The following NELL2 variants were observed in gnomAD, a reference collection of about 807,000 sequenced individuals.
The protein encoded by NELL2 is neural EGFL like 2.
A neutral mutation model predicts 109.6 loss-of-function variants in NELL2; 41 were observed. The observed-to-expected ratio is 0.37, with a 90% CI of 0.29 to 0.49. The LOEUF (loss-of-function observed/expected upper bound fraction) is 0.49. Among genes scored for constraint, NELL2 ranks in the 20% least tolerant of loss-of-function variants. NELL2 has a pLI of 0.98. For synonymous variants in NELL2, 355 were observed against 344.7 expected, an observed-to-expected ratio of 1.03 and a Z score of -0.33; for missense variants, 900 against 1,008.3, an observed-to-expected ratio of 0.89 and a Z score of 1.45.
rs191188441 is a variant in NELL2, at chr12:44,802,655, A to G, written c.335+13331T>C. On this transcript the variant is annotated intron_variant, in intron 3 of 19. Coordinates refer to ENST00000429094, the MANE Select transcript of NELL2 (RefSeq NM_001145108.2). Reference sequence around the variant, plus strand: ...AGCATTTAATTTAAATAGGACTTACATGGTGAATGCTGATATGCATTGGAA... The same window carrying G: ...AGCATTTAATTTAAATAGGACTTACGTGGTGAATGCTGATATGCATTGGAA... Among the ~76,000 whole-genome samples the G allele has an allele frequency of 2.6e-5, 4 of 152,214 alleles. No homozygotes were observed. The East Asian group carries it at 7.7e-4, about 29-fold the overall frequency.
chr12:44,564,487 C>T (rs192501876), intron 15 of NELL2, among the ~76,000 whole-genome samples: 7 of 152,220 alleles, frequency 4.6e-5, no homozygotes, highest in Non-Finnish European at 8.8e-5. Context: ...TGAAATCATG[C>T]GTGTGAAAGC....
At chr12:44,714,762 A>T in intron 9 of NELL2, 21 bp from the exon 10 acceptor site, 1 of 1,476,108 alleles carries the variant, frequency 6.8e-7, no homozygotes, top group Non-Finnish European at 9.3e-7. Flanking sequence ...AAAAATACAT[A>T]TATATTTATT....
In NELL2 at chr12:44,774,810, G is replaced by T; in HGVS notation, c.931C>A (p.Pro311Thr). Residue 311 changes from proline to threonine, a missense_variant, in exon 9 of 20, where the codon CCT (proline) becomes ACT (threonine). By Grantham distance (38) the Pro-to-Thr change is conservative. This residue lies in a region of NELL2 where 292 missense variants were observed against 265.3 expected (regional missense o/e 1.10). Transcript: ENST00000429094. ...AGAGCCGACTTAAGTGGGCAGTCAG[G>T]ATTTGGGCAGATTAGAGTTTCACAC... ...IQCETLICPNPDCPLKSALAY... is the reference protein window; with the variant it reads ...IQCETLICPNTDCPLKSALAY... 5 of 1,614,132 alleles carry T rather than the reference G, an allele frequency of 3.1e-6. No individual in the cohort carries two copies. The highest frequency in any genetic ancestry group is 4.2e-6 in the Non-Finnish European group (5 of 1,179,982).
At chr12:44,744,632 C>T (rs1253193842) in intron 9 of NELL2, among the ~76,000 whole-genome samples, 1 of 152,060 alleles carries the variant, frequency 6.6e-6, no homozygotes, top group Non-Finnish European at 1.5e-5. Context: ...ACCACTGATC[C>T]CACAGAAATA....
chr12:44,761,676 A>T (rs887193114), intron 9 of NELL2, among the ~76,000 whole-genome samples: 1 of 152,246 alleles, frequency 6.6e-6, no homozygotes, highest in Non-Finnish European at 1.5e-5. Flanking sequence ...GCATATATAC[A>T]TCATGGAATA....
intron 3 of NELL2, among the ~76,000 whole-genome samples, chr12:44,787,242 A>G (rs112655153): frequency 0.2 from 30,197 of 151,920 alleles, 3,223 homozygotes; most frequent in South Asian, 0.3. Context: ...TTATATACTG[A>G]AAACAACATA....
intron 1 of NELL2, 56 bp from the exon 2 acceptor site, chr12:44,875,409 A>C: frequency 1.2e-6 from 2 of 1,614,000 alleles, no homozygotes; most frequent in South Asian, 2.2e-5. Flanking sequence ...TCAAAATGCA[A>C]GTCTCTTCCT....
Position 44,875,944 on chromosome 12 carries a change from GC to G in NELL2, c.-76del. 12 of 1,605,662 alleles carry G rather than the reference GC, an allele frequency of 7.5e-6. No homozygotes were observed. The highest frequency in any genetic ancestry group is 9.3e-6 in the Non-Finnish European group (11 of 1,178,912). ...AAATCGAAGAGGTTCTTGGAATCAA[GC>G]GGGAAAATAACGTTTGTCTCTCCTG... is the stretch of plus-strand genomic sequence containing the variant. On this transcript the variant is annotated 5_prime_UTR_variant, in exon 1 of 20. Coordinates refer to ENST00000429094, the MANE Select transcript of NELL2 (RefSeq NM_001145108.2).
intron 13 of NELL2, among the ~76,000 whole-genome samples, chr12:44,646,396 C>G (rs1223078587): frequency 6.6e-6 from 1 of 152,160 alleles, no homozygotes; most frequent in Non-Finnish European, 1.5e-5. Context: ...AGAATATGTT[C>G]TAAGACCTGC....
intron 15 of NELL2, among the ~76,000 whole-genome samples, chr12:44,599,408 T>C (rs1342358294): frequency 2.0e-5 from 3 of 151,954 alleles, no homozygotes; most frequent in East Asian, 3.9e-4. Flanking sequence ...CCAAAAGATA[T>C]GAGAAAGAGA....
At chr12:44,684,975 T>C (rs1948664546) in intron 12 of NELL2, among the ~76,000 whole-genome samples, 1 of 152,174 alleles carries the variant, frequency 6.6e-6, no homozygotes, top group Admixed American at 6.5e-5. Context: ...GGTATCCTTG[T>C]TGACTTTCTG....
chr12:44,595,575 T>C (rs568966575), intron 15 of NELL2, among the ~76,000 whole-genome samples: 229 of 148,956 alleles, frequency 1.5e-3, no homozygotes, highest in Non-Finnish European at 2.3e-3. Context: ...TACAGGCGCC[T>C]GCCACCACAC....
chr12:44,567,572 T>C (rs761508198), intron 15 of NELL2, among the ~76,000 whole-genome samples: 1 of 152,234 alleles, frequency 6.6e-6, no homozygotes, highest in African/African-American at 2.4e-5. Flanking sequence ...AACAAGGGAA[T>C]GATGACTTAA....
At chr12:44,688,735 T>C (rs969705443) in intron 12 of NELL2, among the ~76,000 whole-genome samples, 11 of 152,164 alleles carry the variant, frequency 7.2e-5, no homozygotes, top group Non-Finnish European at 1.2e-4. Flanking sequence ...ATCTCCAAAT[T>C]TGGCATTTTT....
At chr12:44,892,876 T>C (rs910583648) in intron 1 of NELL2, among the ~76,000 whole-genome samples, 6 of 151,560 alleles carry the variant, frequency 4.0e-5, no homozygotes, top group African/African-American at 1.5e-4. Context: ...GGAGCACAAT[T>C]GAGCTTTGCA....
At chr12:44,901,230 C>G (rs1030885180) in intron 1 of NELL2, among the ~76,000 whole-genome samples, 9 of 152,062 alleles carry the variant, frequency 5.9e-5, no homozygotes, top group Admixed American at 4.6e-4. Context: ...CACCACTTAT[C>G]CCGTAGAAAT....
upstream of NELL2, chr12:44,876,624 G>C (rs577979991): frequency 6.6e-5 from 102 of 1,551,058 alleles, no homozygotes; most frequent in East Asian, 2.4e-3. Flanking sequence ...TTTCGGGCGC[G>C]TGTCTTGAAA....
rs112006399 is a variant in NELL2 at position 44,713,237 on chromosome 12, G to C, written c.1086+1413C>G. ...ACACAGAGAGAGACAGAGAGAGAGA[G>C]AGAGAGACAGAGAGAGAGAGAAAGA... On this transcript the variant is annotated intron_variant, in intron 10 of 19. Transcript: ENST00000429094. Among the ~76,000 whole-genome samples the C allele has an allele frequency of 4.0e-5, 6 of 151,162 alleles. No individual in the cohort carries two copies. The South Asian group carries it at 1.3e-3, about 32-fold the overall frequency.
rs530471952 is a variant in NELL2 at position 44,665,737 on chromosome 12, T to A, written c.1319-128A>T. 19 of 1,061,200 alleles carry A rather than the reference T, an allele frequency of 1.8e-5. 1 individual carries two copies. The South Asian group carries it at 5.0e-4, about 28-fold the overall frequency. 65.7% of individuals were successfully genotyped at this position (1,061,200 alleles called of 1,614,324 possible). On this transcript the variant is annotated intron_variant, in intron 12 of 19. Coordinates refer to ENST00000429094, the MANE Select transcript of NELL2 (RefSeq NM_001145108.2). The stretch of plus-strand genomic sequence containing the variant: ...GCATTTCAGAAAAGCATTCATGATA[T>A]CTCCTTTGCTAGGAGTGTTTAATGT...
Sources: allele counts gnomAD v4.1 joint callset (sites outside exome capture counted in the v4.1 genomes callset), GRCh38; gene constraint gnomAD v4.1.1; regional missense constraint gnomAD v4.1.1; transcripts MANE v1.5; gene names NCBI Gene and HGNC (gene_info 2026-07-23, HGNC 2026-07-21).